RIMS2: variants seen among roughly 807,000 people sequenced by gnomAD.
RIMS2 encodes regulating synaptic membrane exocytosis protein 2.
RIMS2 carries 59 observed loss-of-function variants against 174.4 expected under a neutral mutation model. That is an observed-to-expected ratio of 0.34 (90% confidence interval 0.27 to 0.42). RIMS2 has a LOEUF of 0.42. Among genes scored for constraint, RIMS2 ranks in the 10% least tolerant of loss-of-function variants. RIMS2 has a pLI of 1.00. For missense variants in RIMS2, 1,620 were observed against 1,666.3 expected, an observed-to-expected ratio of 0.97 and a Z score of 0.48; for synonymous variants, 606 against 572.5, an observed-to-expected ratio of 1.06 and a Z score of -0.84.
intron 19 of RIMS2, among the ~76,000 whole-genome samples, chr8:104,058,711 T>G (rs978540063): frequency 5.9e-5 from 9 of 152,208 alleles, no homozygotes; most frequent in African/African-American, 1.4e-4. Context: ...GGTCTAACAT[T>G]TAAGTCTTTA....
At chr8:104,196,147 G>C (rs972770578) in intron 19 of RIMS2, among the ~76,000 whole-genome samples, 24 of 152,172 alleles carry the variant, frequency 1.6e-4, no homozygotes, top group African/African-American at 5.5e-4. Context: ...ACCAAGAGCA[G>C]ACCAATACTC....
intron 19 of RIMS2, among the ~76,000 whole-genome samples, chr8:104,016,990 G>A (rs2095930478): frequency 6.6e-6 from 1 of 151,878 alleles, no homozygotes; most frequent in Non-Finnish European, 1.5e-5. Flanking sequence ...ATAAAACAAA[G>A]AGGAGCCAAA....
At chr8:104,045,193 C>CA (rs2096671974) in intron 19 of RIMS2, among the ~76,000 whole-genome samples, 1 of 151,726 alleles carries the variant, frequency 6.6e-6, no homozygotes, top group South Asian at 2.1e-4. Flanking sequence ...TATATTTGGT[C>CA]AAAATGTATG....
intron 1 of RIMS2, among the ~76,000 whole-genome samples, chr8:103,593,689 AAAT>A (rs2094361404): frequency 1.3e-5 from 2 of 151,498 alleles, no homozygotes; most frequent in Non-Finnish European, 3.0e-5. Flanking sequence ...CAAAAATATA[AAAT>A]AATATTATTT....
chr8:103,623,478 G>GTTTTTT (rs71575976), intron 1 of RIMS2, among the ~76,000 whole-genome samples: 99 of 83,226 alleles, frequency 1.2e-3, no homozygotes, highest in African/African-American at 1.7e-3. Flanking sequence ...GGTTTCTTCA[G>GTTTTTT]TTTTTTTTTT....
chr8:103,581,581 C>G (rs2093622288), intron 1 of RIMS2, among the ~76,000 whole-genome samples: 1 of 152,176 alleles, frequency 6.6e-6, no homozygotes. Context: ...AGGATGCCTG[C>G]TTTCACCACT....
At chr8:103,662,893 A>C (rs1394116090) in intron 1 of RIMS2, among the ~76,000 whole-genome samples, 1 of 152,198 alleles carries the variant, frequency 6.6e-6, no homozygotes, top group Non-Finnish European at 1.5e-5. Context: ...GGAGCAGGCC[A>C]GGCACAGTTG....
chr8:103,694,853 T>C (rs2097079563), intron 1 of RIMS2, among the ~76,000 whole-genome samples: 1 of 152,110 alleles, frequency 6.6e-6, no homozygotes, highest in South Asian at 2.1e-4. Flanking sequence ...TCTGGAGTCA[T>C]CCTGGAGATT....
At chr8:104,108,423 C>T (rs2098118050) in intron 19 of RIMS2, among the ~76,000 whole-genome samples, 3 of 151,900 alleles carry the variant, frequency 2.0e-5, no homozygotes, top group African/African-American at 7.3e-5. Context: ...TCCCAAGTAG[C>T]TAGGACTACA....
At chr8:104,166,283 G>A (rs2098797626) in intron 19 of RIMS2, among the ~76,000 whole-genome samples, 1 of 151,316 alleles carries the variant, frequency 6.6e-6, no homozygotes, top group African/African-American at 2.4e-5. Context: ...AGCCAGGATG[G>A]TCTCGATCTC....
intron 1 of RIMS2, among the ~76,000 whole-genome samples, chr8:103,575,079 A>T (rs1012014711): frequency 6.6e-6 from 1 of 152,212 alleles, no homozygotes; most frequent in Admixed American, 6.5e-5. Flanking sequence ...AGAATATATA[A>T]AACTCACACA....
chr8:103,718,841 G>A (rs182907080), intron 2 of RIMS2, among the ~76,000 whole-genome samples: 1 of 151,896 alleles, frequency 6.6e-6, no homozygotes. Context: ...GTACATTTTT[G>A]TGTGTATTTT....
chr8:103,961,201 GTAAA>G, intron 15 of RIMS2, 68 bp downstream of exon 17: 1 of 800,204 alleles, frequency 1.2e-6, no homozygotes, highest in Non-Finnish European at 2.2e-6. Context: ...TACCATAAAA[GTAAA>G]TAAATAAAAG....
intron 1 of RIMS2, among the ~76,000 whole-genome samples, chr8:103,634,684 A>G (rs182187356): frequency 1.3e-5 from 2 of 152,292 alleles, no homozygotes; most frequent in East Asian, 3.9e-4. Context: ...AACTTGCTTT[A>G]TGAATCTGGT....
chr8:103,609,919 G>A (rs182190260), intron 1 of RIMS2, among the ~76,000 whole-genome samples: 1 of 152,278 alleles, frequency 6.6e-6, no homozygotes, highest in East Asian at 1.9e-4. Context: ...AATTGCTTTG[G>A]ACAGTATAGC....
At chr8:104,006,753 T>G (rs2095599034) in intron 17 of RIMS2, among the ~76,000 whole-genome samples, 3 of 151,422 alleles carry the variant, frequency 2.0e-5, no homozygotes, top group Non-Finnish European at 2.9e-5. Context: ...CTCCTAAGCC[T>G]TAACCTTCTA....
At chr8:103,723,175 A>G (rs1019789692) in intron 2 of RIMS2, among the ~76,000 whole-genome samples, 1 of 152,226 alleles carries the variant, frequency 6.6e-6, no homozygotes, top group Non-Finnish European at 1.5e-5. Flanking sequence ...AAACCTTACC[A>G]AGGACTTCCT....
intron 3 of RIMS2, among the ~76,000 whole-genome samples, chr8:103,792,250 A>C (rs1338793954): frequency 6.6e-6 from 1 of 152,186 alleles, no homozygotes; most frequent in Non-Finnish European, 1.5e-5. Context: ...TCAAATTAGG[A>C]CTCAGGATTA....
At chr8:104,096,379 CA>C (rs1161499064) in intron 19 of RIMS2, among the ~76,000 whole-genome samples, 4 of 151,342 alleles carry the variant, frequency 2.6e-5, no homozygotes, top group African/African-American at 9.7e-5. Context: ...ATTATTTTTT[CA>C]AAAAAAGAGC....
Sources: gnomAD v4.1 joint callset for allele counts (sites outside exome capture counted in the v4.1 genomes callset) on GRCh38, gnomAD v4.1.1 for gene constraint, MANE v1.5 for transcripts, NCBI Gene and HGNC (gene_info 2026-07-23, HGNC 2026-07-21) for gene names.